The following FADS2 variants were observed in gnomAD, a reference collection of about 807,000 sequenced individuals.
The protein encoded by FADS2 is acyl-CoA 6-desaturase.
FADS2 carries 18 observed loss-of-function variants against 61.2 expected under a neutral mutation model. The observed-to-expected ratio is 0.29, with a 90% CI of 0.20 to 0.44. The LOEUF is 0.44. Ranked by LOEUF, FADS2 falls within the 20% of genes least tolerant of loss-of-function variation. The probability of loss-of-function intolerance (pLI) is 1.00; values close to 1 mark genes in which losing one functional copy is unlikely to be tolerated. For synonymous variants in FADS2, 203 were observed against 223.9 expected (o/e 0.91, Z 0.83); for missense variants, 322 against 572.7 (o/e 0.56, Z 4.47).
intron 5 of FADS2, among the ~76,000 whole-genome samples, chr11:61,850,652 A>T (rs963270929): frequency 1.3e-5 from 2 of 152,174 alleles, no homozygotes; most frequent in African/African-American, 4.8e-5. Context: ...TCGGGACCTA[A>T]TTTAGAAGAA....
Position 61,837,839 on chromosome 11 carries a change from T to G in FADS2, c.269T>G (p.Leu90Arg), listed in dbSNP as rs1391440974. Residue 90 changes from leucine (L) to arginine (R), a missense_variant, in exon 2 of 12, where the codon CTG (leucine) becomes CGG (arginine). Transcript: ENST00000278840. ...EFVGKFLKPL[L>R]IGELAPEEPS... Reference sequence around the variant, plus strand: ...GTGGGCAAGTTCTTGAAACCCCTGCTGATTGGTGAACTGGCCCCGGAGGAG... The same window carrying G: ...GTGGGCAAGTTCTTGAAACCCCTGCGGATTGGTGAACTGGCCCCGGAGGAG... 6.2e-7 allele frequency: 1 copy of G among 1,613,970 alleles called. No homozygotes were observed. The highest frequency in any genetic ancestry group is 1.1e-5 in the South Asian group (1 of 90,992).
intron 2 of FADS2, among the ~76,000 whole-genome samples, chr11:61,839,844 G>A (rs1390877683): frequency 6.6e-6 from 1 of 152,120 alleles, no homozygotes; most frequent in East Asian, 1.9e-4. Context: ...TCCTGTATAT[G>A]GAATCATACA....
upstream of FADS2, among the ~76,000 whole-genome samples, chr11:61,824,498 GAAAGGAAAGAAAGAAAGAAAGAAAGAA>G (rs1565325445): frequency 3.8e-4 from 3 of 7,846 alleles, no homozygotes; most frequent in Non-Finnish European, 2.2e-3. Flanking sequence ...GAGAAAGAAA[GAAAGGAAAGAAAGAAAGAAAGAAAGAA>G]AGAAAAATCA....
rs2066983405 is a variant in FADS2, at chr11:61,816,378, C to T, written c.93C>T (p.Leu31=). 1.9e-6 allele frequency: 3 copies of T among 1,598,502 alleles called. No individual in the cohort carries two copies. Among genetic ancestry groups the T allele is most frequent in the Non-Finnish European group, 2.5e-6 (3 of 1,179,810 alleles). Residue 31 remains leucine (L), a synonymous_variant, in exon 1 of 12, where the codon CTC becomes CTT. Transcript: ENST00000257261. This position sits in a 1 kb window ranked among gnomAD's most constrained non-coding sequence, Gnocchi z 7.0. ...AGACTCCACTTCTCCAGGCCTCTCT[C>T]CCGCCTTTTCATCCCGCATCCGCAG... is the stretch of plus-strand genomic sequence containing the variant.
chr11:61,858,211 A>G (rs1040915464), intron 7 of FADS2, among the ~76,000 whole-genome samples: 1 of 151,838 alleles, frequency 6.6e-6, no homozygotes, highest in Non-Finnish European at 1.5e-5. Context: ...TTATTGAGAC[A>G]GAGTCACATA....
In FADS2 at chr11:61,865,095, C is replaced by T. The variant is rs773198272; in HGVS notation, c.1158-57C>T. 2.6e-5 allele frequency: 41 copies of T among 1,568,490 alleles called. No individual in the cohort carries two copies. Among genetic ancestry groups the T allele is most frequent in the African/African-American group, 1.1e-4 (8 of 74,242 alleles). The stretch of plus-strand genomic sequence containing the variant: ...CCTCTGCCCAGGTGGTGGGAGGAAG[C>T]GGGAGCAGCATGGCCCTCTGAGTCC... On this transcript the variant is annotated intron_variant, in intron 10 of 11. Transcript: ENST00000278840. The surrounding 1 kb of genome is among the most constrained non-coding windows in gnomAD (Gnocchi z 4.1).
intron 5 of FADS2, among the ~76,000 whole-genome samples, chr11:61,853,219 T>G (rs1253379138): frequency 1.3e-5 from 2 of 149,700 alleles, no homozygotes; most frequent in Non-Finnish European, 3.0e-5. Flanking sequence ...GTGTAGTCAC[T>G]CTTTCTTTCT....
At chr11:61,845,939 T>A (rs1183965185) in intron 4 of FADS2, among the ~76,000 whole-genome samples, 1 of 152,208 alleles carries the variant, frequency 6.6e-6, no homozygotes, top group Non-Finnish European at 1.5e-5. Context: ...TTCCTCCATC[T>A]GTTTGTTCAA....
intron 4 of FADS2, among the ~76,000 whole-genome samples, chr11:61,842,264 C>T (rs988763501): frequency 6.6e-6 from 1 of 152,228 alleles, no homozygotes; most frequent in African/African-American, 2.4e-5. Flanking sequence ...GCTTGCCTGG[C>T]CCTGAGCCTG....
chr11:61,816,504 ACTCAGC>A lies in FADS2; in HGVS notation c.141+82_141+87del. On this transcript the variant is annotated intron_variant, in intron 1 of 11. Transcript: ENST00000257261. The surrounding 1 kb of genome is among the most constrained non-coding windows in gnomAD (Gnocchi z 7.0). ...GAGTGCGTAACTCTGTCTCCCCTGC[ACTCAGC>A]CTCCGGTCCCGCCCTCTCCTGTGCC... 1 of 1,599,248 alleles carries A rather than the reference ACTCAGC, an allele frequency of 6.3e-7. No homozygotes were observed. Among genetic ancestry groups the A allele is most frequent in the South Asian group, 1.1e-5 (1 of 89,994 alleles).
Position 61,865,805 on chromosome 11 carries a change from A to C in FADS2, c.*116A>C. 1.2e-6 allele frequency: 1 copy of C among 804,948 alleles called. No individual in the cohort carries two copies. Among genetic ancestry groups the C allele is most frequent in the Non-Finnish European group, 2.0e-6 (1 of 489,564 alleles). 49.9% of individuals were successfully genotyped at this position (804,948 alleles called of 1,614,324 possible). The stretch of plus-strand genomic sequence containing the variant: ...AGGCTGGTGTATGCACTGCTCACGG[A>C]CCCCATGTTGGATCTTTCTCCCTTT... On this transcript the variant is annotated 3_prime_UTR_variant, in exon 12 of 12. Coordinates refer to ENST00000278840, the MANE Select transcript of FADS2 (RefSeq NM_004265.4). This position sits in a 1 kb window ranked among gnomAD's most constrained non-coding sequence, Gnocchi z 4.1.
chr11:61,834,406 A>G (rs895672698), intron 1 of FADS2, among the ~76,000 whole-genome samples: 1 of 152,148 alleles, frequency 6.6e-6, no homozygotes, highest in Non-Finnish European at 1.5e-5. Flanking sequence ...TTCACCTCAG[A>G]AGTTGGGGCT....
chr11:61,853,031 T>G (rs2067320900), intron 5 of FADS2, among the ~76,000 whole-genome samples: 1 of 152,124 alleles, frequency 6.6e-6, no homozygotes, highest in Non-Finnish European at 1.5e-5. Flanking sequence ...GGCACACGCC[T>G]GTAGTCTCGG....
At chr11:61,824,480 G>GAA (rs753472830), upstream of FADS2, among the ~76,000 whole-genome samples, 4,052 of 13,758 alleles carry the variant, frequency 0.29, 1,273 homozygotes, top group South Asian at 0.6. Context: ...GAGAGAGAGA[G>GAA]AGAGAGAGAG....
intron 5 of FADS2, among the ~76,000 whole-genome samples, chr11:61,850,435 G>T (rs908794886): frequency 2.0e-5 from 3 of 152,048 alleles, no homozygotes; most frequent in Non-Finnish European, 2.9e-5. Context: ...ATTTTTAGTA[G>T]AGACGGGGTT....
At chr11:61,844,214 C>A in intron 4 of FADS2, among the ~76,000 whole-genome samples, 1 of 152,032 alleles carries the variant, frequency 6.6e-6, no homozygotes, top group Non-Finnish European at 1.5e-5. Flanking sequence ...TTTATTTATA[C>A]CAAAACAGAA....
At chr11:61,820,880 A>AGT (rs2135947124) in intron 1 of FADS2, among the ~76,000 whole-genome samples, 1 of 152,286 alleles carries the variant, frequency 6.6e-6, no homozygotes, top group South Asian at 2.1e-4. Context: ...AGCCTGGGTG[A>AGT]CAGAGCCAGA....
intron 7 of FADS2, among the ~76,000 whole-genome samples, chr11:61,859,757 C>A (rs1344684386): frequency 7.3e-6 from 1 of 137,660 alleles, no homozygotes; most frequent in Non-Finnish European, 1.5e-5. Flanking sequence ...GAGGCCGAGG[C>A]GGGCAGATCA....
chr11:61,822,430 T>C (rs900342863), intron 1 of FADS2, among the ~76,000 whole-genome samples: 1 of 152,234 alleles, frequency 6.6e-6, no homozygotes, highest in Non-Finnish European at 1.5e-5. Flanking sequence ...TAACTTTTAG[T>C]TCCTCTCTAC....
Sources: gnomAD v4.1 joint callset for allele counts (sites outside exome capture counted in the v4.1 genomes callset) on GRCh38, gnomAD v4.1.1 for gene constraint, Gnocchi (gnomAD v3.1) non-coding constraint, MANE v1.5 for transcripts, NCBI Gene and HGNC (gene_info 2026-07-23, HGNC 2026-07-21) for gene names.